The following GALNT13 variants were observed in gnomAD, a reference collection of about 807,000 sequenced individuals.
GALNT13 encodes polypeptide N-acetylgalactosaminyltransferase 13, also known as UDP-GalNAc:polypeptide N-acetylgalactosaminyltransferase 13.
GALNT13 carries 28 observed loss-of-function variants against 64.2 expected under a neutral mutation model. That is an observed-to-expected ratio of 0.44 (90% CI 0.32 to 0.60). GALNT13 has a LOEUF of 0.60. GALNT13 is among the 20% of genes least tolerant of loss of function. The pLI is 0.05. For missense variants in GALNT13, 577 were observed against 669.8 expected (o/e 0.86, Z 1.53); for synonymous variants, 214 against 224.6 (o/e 0.95, Z 0.42).
At chr2:153,814,114 C>A in the GALNT13 span, among the ~76,000 whole-genome samples, 1 of 152,202 alleles carries the variant, frequency 6.6e-6, no homozygotes, top group Non-Finnish European at 1.5e-5. Flanking sequence ...AGAACAGTCA[C>A]CGCATCACCG....
chr2:154,407,242 G>A (rs1574250004), intron 10 of GALNT13, among the ~76,000 whole-genome samples: 2 of 152,018 alleles, frequency 1.3e-5, no homozygotes, highest in Admixed American at 6.6e-5. Context: ...AAATGAATTC[G>A]TCATTTTGTG....
rs201658689 is a variant in GALNT13 at position 154,020,148 on chromosome 2, C to T, written c.142+75509C>T. Among the ~76,000 whole-genome samples, 102 of 152,150 alleles carry T rather than the reference C, an allele frequency of 6.7e-4. 2 individuals carry two copies. The East Asian group carries it at 0.015, about 23-fold the overall frequency. The stretch of plus-strand genomic sequence containing the variant: ...AAGTCTTTGCTATTGTGAATAGTGC[C>T]GCAATAAACATATGTGTGCATGTGT... On this transcript the variant is annotated intron_variant, in intron 3 of 12. Coordinates refer to ENST00000392825, the MANE Select transcript of GALNT13 (RefSeq NM_052917.4).
the GALNT13 span, among the ~76,000 whole-genome samples, chr2:153,781,741 T>C: frequency 6.6e-6 from 1 of 152,148 alleles, no homozygotes; most frequent in African/African-American, 2.4e-5. Flanking sequence ...TTTTCTGTTG[T>C]TCCACAATTA....
chr2:153,493,211 T>A, the GALNT13 span, among the ~76,000 whole-genome samples: 1 of 151,412 alleles, frequency 6.6e-6, no homozygotes, highest in Non-Finnish European at 1.5e-5. Flanking sequence ...ATAGAAAAAA[T>A]TAATGCAGAA....
At chr2:153,921,789 C>T (rs896115470) in intron 2 of GALNT13, among the ~76,000 whole-genome samples, 1 of 151,910 alleles carries the variant, frequency 6.6e-6, no homozygotes, top group Non-Finnish European at 1.5e-5. Flanking sequence ...AAACAATTGA[C>T]ACATGGACAA....
At chr2:153,171,341 C>T in the GALNT13 span, among the ~76,000 whole-genome samples, 4 of 152,010 alleles carry the variant, frequency 2.6e-5, no homozygotes, top group African/African-American at 9.7e-5. Flanking sequence ...AGATAGTGAG[C>T]ATTAGTTTTA....
the GALNT13 span, among the ~76,000 whole-genome samples, chr2:153,100,819 A>T: frequency 1.1e-4 from 16 of 152,186 alleles, no homozygotes; most frequent in Admixed American, 2.0e-4. Flanking sequence ...TCTTGAGGCC[A>T]GGAGTTTGAG....
the GALNT13 span, among the ~76,000 whole-genome samples, chr2:153,089,036 G>GT: frequency 2.0e-5 from 3 of 151,834 alleles, no homozygotes; most frequent in African/African-American, 7.3e-5. Context: ...AATACCTTGG[G>GT]TTTTTTCCCA....
intron 3 of GALNT13, among the ~76,000 whole-genome samples, chr2:154,049,515 TTATA>T (rs70981698): frequency 1.4e-5 from 2 of 145,122 alleles, no homozygotes; most frequent in Admixed American, 7.0e-5. Context: ...ATTTTAAATA[TTATA>T]TATATATATA....
chr2:154,353,301 T>TA lies in GALNT13; in HGVS notation c.1157-42683dup, dbSNP rs537827105. On this transcript the variant is annotated intron_variant, in intron 9 of 12. Coordinates refer to ENST00000392825, the MANE Select transcript of GALNT13 (RefSeq NM_052917.4). ...CAACTTTAAAAAAATTATATTCACT[T>TA]AAAAAAATGGGGTATAACTGAGGTT... 2.0e-5 allele frequency among the ~76,000 whole-genome samples: 3 copies of TA among 152,218 alleles called. No individual in the cohort carries two copies. The South Asian group carries it at 6.2e-4, about 32-fold the overall frequency.
At chr2:154,169,246 C>G (rs774932301) in intron 4 of GALNT13, among the ~76,000 whole-genome samples, 3 of 152,122 alleles carry the variant, frequency 2.0e-5, no homozygotes, top group Non-Finnish European at 4.4e-5. Context: ...GTCAAACAAA[C>G]CATATCCACA....
chr2:153,661,446 TC>T, the GALNT13 span, among the ~76,000 whole-genome samples: 1 of 152,144 alleles, frequency 6.6e-6, no homozygotes. Context: ...GCATATCACA[TC>T]CCCAAGTTTA....
intron 9 of GALNT13, among the ~76,000 whole-genome samples, chr2:154,347,596 A>G (rs1696144175): frequency 6.6e-6 from 1 of 152,198 alleles, no homozygotes; most frequent in Admixed American, 6.5e-5. Flanking sequence ...AATACAATTA[A>G]GAGCTCAAAT....
chr2:153,262,489 CA>C, the GALNT13 span, among the ~76,000 whole-genome samples: 1 of 152,012 alleles, frequency 6.6e-6, no homozygotes, highest in South Asian at 2.1e-4. Context: ...GGCAGAAATA[CA>C]ACAAAAAAGG....
chr2:153,146,859 C>T, the GALNT13 span, among the ~76,000 whole-genome samples: 7 of 151,846 alleles, frequency 4.6e-5, no homozygotes, highest in South Asian at 4.1e-4. Context: ...TATACTTCAG[C>T]GGACAGGTCC....
At chr2:153,835,948 G>C in the GALNT13 span, among the ~76,000 whole-genome samples, 1 of 152,012 alleles carries the variant, frequency 6.6e-6, no homozygotes, top group Non-Finnish European at 1.5e-5. Context: ...GGGGGGAATA[G>C]TGAACCTATC....
At chr2:153,287,058 A>G in the GALNT13 span, among the ~76,000 whole-genome samples, 1 of 152,352 alleles carries the variant, frequency 6.6e-6, no homozygotes, top group East Asian at 1.9e-4. Context: ...AAAGAAAATG[A>G]GCCAATGGTA....
chr2:153,612,312 A>C, the GALNT13 span, among the ~76,000 whole-genome samples: 1 of 152,164 alleles, frequency 6.6e-6, no homozygotes, highest in Non-Finnish European at 1.5e-5. Context: ...CAGAAATACC[A>C]TTTGACCCAG....
At chr2:153,203,893 G>A in the GALNT13 span, among the ~76,000 whole-genome samples, 13 of 139,846 alleles carry the variant, frequency 9.3e-5, no homozygotes, top group South Asian at 2.3e-4. Flanking sequence ...ACACACACAC[G>A]CATACACTAA....
Sources: allele counts gnomAD v4.1 joint callset (sites outside exome capture counted in the v4.1 genomes callset), GRCh38; gene constraint gnomAD v4.1.1; transcripts MANE v1.5; gene names NCBI Gene and HGNC (gene_info 2026-07-23, HGNC 2026-07-21).